The following AKAP19 variants were observed in gnomAD, a reference collection of about 807,000 sequenced individuals.
AKAP19 encodes small A-kinase anchoring protein.
chr2:189,888,194 A>AT, the AKAP19 span, among the ~76,000 whole-genome samples: 1 of 152,182 alleles, frequency 6.6e-6, no homozygotes, highest in South Asian at 2.1e-4. Flanking sequence ...TCCAAACACC[A>AT]TTTTTTAAAT....
the AKAP19 span, among the ~76,000 whole-genome samples, chr2:189,903,470 AATT>A: frequency 6.6e-6 from 1 of 151,956 alleles, no homozygotes; most frequent in African/African-American, 2.4e-5. Flanking sequence ...AGTATACCTT[AATT>A]ATTATATTTA....
chr2:190,057,158 C>T, the AKAP19 span: 2 of 1,306,162 alleles, frequency 1.5e-6, no homozygotes, highest in South Asian at 1.2e-5. Context: ...CTGTAGCATA[C>T]TCTAGGCCTA....
At chr2:189,895,216 A>G in the AKAP19 span, among the ~76,000 whole-genome samples, 1 of 152,130 alleles carries the variant, frequency 6.6e-6, no homozygotes, top group Non-Finnish European at 1.5e-5. Context: ...AAGGGAGTGA[A>G]AAGGAAGATC....
At chr2:190,048,998 G>T in the AKAP19 span, among the ~76,000 whole-genome samples, 1 of 152,148 alleles carries the variant, frequency 6.6e-6, no homozygotes, top group South Asian at 2.1e-4. Context: ...CTCACATAGA[G>T]GAGTAGGCCT....
the AKAP19 span, among the ~76,000 whole-genome samples, chr2:189,995,860 G>C: frequency 6.6e-6 from 1 of 152,104 alleles, no homozygotes; most frequent in Non-Finnish European, 1.5e-5. Flanking sequence ...ATGAAGCTTA[G>C]TTTTGCTGGA....
chr2:190,186,649 A>G, the AKAP19 span, among the ~76,000 whole-genome samples: 39 of 152,268 alleles, frequency 2.6e-4, no homozygotes, highest in South Asian at 5.8e-3. The surrounding 1 kb of genome is among the most constrained non-coding windows in gnomAD (Gnocchi z 5.5). Context: ...TGTTTAACCA[A>G]TGTCATTTGA....
the AKAP19 span, among the ~76,000 whole-genome samples, chr2:190,035,288 G>A: frequency 1.4e-3 from 206 of 152,044 alleles, 1 homozygote; most frequent in South Asian, 0.012. Context: ...AAAATTAGCT[G>A]GGCATGGTGG....
chr2:190,069,112 A>G, the AKAP19 span, among the ~76,000 whole-genome samples: 1 of 148,018 alleles, frequency 6.8e-6, no homozygotes, highest in Non-Finnish European at 1.5e-5. Flanking sequence ...AGAAGTCTCA[A>G]AAGGGGTGTG....
the AKAP19 span, among the ~76,000 whole-genome samples, chr2:189,937,257 T>A: frequency 6.6e-6 from 1 of 151,946 alleles, no homozygotes; most frequent in East Asian, 1.9e-4. Context: ...AAGGAACTGT[T>A]TGGATGATGG....
chr2:189,988,448 G>T, the AKAP19 span, among the ~76,000 whole-genome samples: 12,239 of 152,224 alleles, frequency 0.08, 646 homozygotes, highest in Middle Eastern at 0.13. Flanking sequence ...CTTTTGGAAA[G>T]GGCTATTATA....
the AKAP19 span, among the ~76,000 whole-genome samples, chr2:190,199,014 A>G: frequency 6.6e-6 from 1 of 152,222 alleles, no homozygotes. Context: ...TGGCTTTGCT[A>G]TATGTAACCT....
At chr2:189,931,858 A>C in the AKAP19 span, among the ~76,000 whole-genome samples, 1 of 152,072 alleles carries the variant, frequency 6.6e-6, no homozygotes, top group Non-Finnish European at 1.5e-5. Flanking sequence ...CATGAGCTCA[A>C]GTGATCTACC....
the AKAP19 span, among the ~76,000 whole-genome samples, chr2:189,880,510 C>G: frequency 2.6e-5 from 4 of 152,114 alleles, no homozygotes; most frequent in African/African-American, 9.7e-5. Context: ...AGGATATGGT[C>G]ACATTACTGA....
chr2:189,916,329 CTTT>C, the AKAP19 span, among the ~76,000 whole-genome samples: 27 of 106,544 alleles, frequency 2.5e-4, no homozygotes, highest in Non-Finnish European at 3.6e-4. Flanking sequence ...TCTTTTTCTT[CTTT>C]TTTTTTTTTT....
the AKAP19 span, among the ~76,000 whole-genome samples, chr2:189,969,061 T>C: frequency 6.6e-6 from 1 of 152,222 alleles, no homozygotes; most frequent in African/African-American, 2.4e-5. Context: ...AAATATTTAC[T>C]GTATAGGCAA....
the AKAP19 span, among the ~76,000 whole-genome samples, chr2:190,101,894 T>C: frequency 5.3e-5 from 8 of 152,082 alleles, no homozygotes; most frequent in African/African-American, 1.4e-4. Flanking sequence ...ACAGAATATA[T>C]ATATTCTTCT....
At chr2:189,969,712 G>C in the AKAP19 span, among the ~76,000 whole-genome samples, 3 of 118,712 alleles carry the variant, frequency 2.5e-5, no homozygotes, top group Non-Finnish European at 4.9e-5. Context: ...CTGGGCGACA[G>C]AGCAAGACTC....
chr2:190,194,477 TACACACACAC>T, the AKAP19 span, among the ~76,000 whole-genome samples: 204 of 141,472 alleles, frequency 1.4e-3, no homozygotes, highest in Middle Eastern at 3.6e-3. Flanking sequence ...ATCCTGTGTA[TACACACACAC>T]ACACACACAC....
chr2:190,054,475 C>A, the AKAP19 span, among the ~76,000 whole-genome samples: 1 of 152,054 alleles, frequency 6.6e-6, no homozygotes, highest in Non-Finnish European at 1.5e-5. Context: ...GCAACAAAAG[C>A]CAAAATTGAC....
Sources: gnomAD v4.1 joint callset for allele counts (sites outside exome capture counted in the v4.1 genomes callset) on GRCh38, gnomAD v4.1.1 for gene constraint, Gnocchi (gnomAD v3.1) non-coding constraint, MANE v1.5 for transcripts, NCBI Gene and HGNC (gene_info 2026-07-23, HGNC 2026-07-21) for gene names.